Variants in DAP observed in about 807,000 individuals in gnomAD.
DAP encodes death-associated protein 1.
A neutral mutation model predicts 13.8 loss-of-function variants in DAP; 8 were observed. The observed-to-expected ratio is 0.58, with a 90% CI of 0.34 to 1.05. The LOEUF is 1.05. DAP is among the 50% of genes least tolerant of loss of function. DAP has a pLI of 0.03. For synonymous variants in DAP, 47 were observed against 47.5 expected (o/e 0.99, Z 0.04); for missense variants, 106 against 133.2 (o/e 0.80, Z 1.01).
rs536429087 is a variant in DAP at position 10,724,971 on chromosome 5, C to G, written c.152+23204G>C. Among the ~76,000 whole-genome samples the G allele has an allele frequency of 4.6e-5, 7 of 152,302 alleles. No homozygotes were observed. The East Asian group carries it at 9.7e-4, about 21-fold the overall frequency. On this transcript the variant is annotated intron_variant, in intron 2 of 3. Coordinates refer to ENST00000230895, the MANE Select transcript of DAP (RefSeq NM_004394.3). Reference sequence around the variant, plus strand: ...TGCTGACTTGAGCTTCTTCCTCCCCCCTCTCCCCTTCAGGCTCCCCTCTGA... The same window carrying G: ...TGCTGACTTGAGCTTCTTCCTCCCCGCTCTCCCCTTCAGGCTCCCCTCTGA...
intron 2 of DAP, among the ~76,000 whole-genome samples, chr5:10,691,746 A>G (rs915462143): frequency 4.6e-5 from 7 of 152,218 alleles, no homozygotes; most frequent in African/African-American, 1.7e-4. Flanking sequence ...ATTGAAAAGA[A>G]CTGCAAGCCA....
chr5:10,719,610 G>C (rs571323192), intron 2 of DAP, among the ~76,000 whole-genome samples: 2 of 152,196 alleles, frequency 1.3e-5, no homozygotes, highest in East Asian at 3.8e-4. Flanking sequence ...ACCATGAACT[G>C]GGTGCTTTCT....
chr5:10,685,024 A>G (rs1395055046), intron 2 of DAP, among the ~76,000 whole-genome samples: 1 of 152,206 alleles, frequency 6.6e-6, no homozygotes, highest in Non-Finnish European at 1.5e-5. Flanking sequence ...CTCTGCTGCC[A>G]GTGGTCTTTT....
chr5:10,737,012 G>C (rs912950429), intron 2 of DAP, among the ~76,000 whole-genome samples: 3 of 152,338 alleles, frequency 2.0e-5, no homozygotes, highest in Admixed American at 2.0e-4. Flanking sequence ...GCTGCTGCTG[G>C]CAAGTGGTGG....
At chr5:10,752,148 G>A (rs576718516) in intron 1 of DAP, among the ~76,000 whole-genome samples, 8 of 152,326 alleles carry the variant, frequency 5.3e-5, no homozygotes, top group African/African-American at 9.6e-5. Context: ...CAGCCTGTCC[G>A]CTCCTCTGCT....
chr5:10,698,119 A>T (rs1261356262), intron 2 of DAP, among the ~76,000 whole-genome samples: 1 of 151,960 alleles, frequency 6.6e-6, no homozygotes, highest in Non-Finnish European at 1.5e-5. Context: ...GTGAGCTGAG[A>T]GCACAGCTAC....
chr5:10,736,455 C>G (rs557894692), intron 2 of DAP, among the ~76,000 whole-genome samples: 131 of 152,294 alleles, frequency 8.6e-4, no homozygotes, highest in Admixed American at 5.9e-3. Context: ...GCCAACCCTC[C>G]CTGGGCAGCC....
chr5:10,732,930 G>A (rs1428378289), intron 2 of DAP, among the ~76,000 whole-genome samples: 1 of 152,126 alleles, frequency 6.6e-6, no homozygotes, highest in Admixed American at 6.5e-5. Context: ...CTGATACTCT[G>A]TACACATTAA....
At chr5:10,743,319 T>C (rs1739808433) in intron 2 of DAP, among the ~76,000 whole-genome samples, 1 of 152,224 alleles carries the variant, frequency 6.6e-6, no homozygotes, top group Admixed American at 6.5e-5. Context: ...TCAGTGCTTG[T>C]ACGCCATTCT....
chr5:10,725,525 CGTG>C, intron 2 of DAP, among the ~76,000 whole-genome samples: 1 of 152,134 alleles, frequency 6.6e-6, no homozygotes, highest in East Asian at 1.9e-4. Flanking sequence ...CCAACACTGC[CGTG>C]GTGTCTTATA....
chr5:10,681,470 T>C (rs1343776042), intron 3 of DAP, among the ~76,000 whole-genome samples: 1 of 117,654 alleles, frequency 8.5e-6, no homozygotes, highest in African/African-American at 3.3e-5. Flanking sequence ...GTGAGGAACG[T>C]CCAGGCCAGC....
intron 2 of DAP, among the ~76,000 whole-genome samples, chr5:10,700,291 A>C (rs1033517205): frequency 6.6e-6 from 1 of 152,222 alleles, no homozygotes; most frequent in African/African-American, 2.4e-5. Flanking sequence ...AGGCCCACTG[A>C]GAAGTGACAG....
chr5:10,757,213 C>T (rs1377608059), intron 1 of DAP, among the ~76,000 whole-genome samples: 3 of 152,092 alleles, frequency 2.0e-5, no homozygotes, highest in East Asian at 1.9e-4. Context: ...ACAGCCTTTC[C>T]GGCCGCTCCC....
intron 2 of DAP, among the ~76,000 whole-genome samples, chr5:10,725,326 G>A (rs562702923): frequency 6.6e-6 from 1 of 152,330 alleles, no homozygotes; most frequent in South Asian, 2.1e-4. Flanking sequence ...GCCGGGTCCT[G>A]AGCTCGGGCT....
At chr5:10,688,401 G>A (rs1379929917) in intron 2 of DAP, among the ~76,000 whole-genome samples, 1 of 152,174 alleles carries the variant, frequency 6.6e-6, no homozygotes, top group African/African-American at 2.4e-5. Flanking sequence ...ATTAAGTTAT[G>A]CATTGTTTTT....
chr5:10,755,099 T>C (rs944276714), intron 1 of DAP, among the ~76,000 whole-genome samples: 1 of 151,904 alleles, frequency 6.6e-6, no homozygotes, highest in Non-Finnish European at 1.5e-5. Context: ...GGTGGGCCCA[T>C]GTAATCTCAA....
rs768003567 is a variant in DAP, at chr5:10,748,182, T to G, written c.145A>C (p.Ser49Arg). ...TCGCTAGCATCATCCCACCTGGGGC[T>G]TTCCCATTCCTGGTCATCCTTGTCT... ...EKDKDDQEWE[S>R]PSPPKPTVFI... Residue 49 changes from serine (S) to arginine (R), a missense_variant, in exon 2 of 4, where the codon AGC becomes CGC. By Grantham distance (110) the Ser-to-Arg change is moderately radical (BLOSUM62 -1). Coordinates refer to ENST00000230895, the MANE Select transcript of DAP (RefSeq NM_004394.3). 6.2e-7 allele frequency: 1 copy of G among 1,612,640 alleles called. No individual in the cohort carries two copies. Among genetic ancestry groups the G allele is most frequent in the Non-Finnish European group, 8.5e-7 (1 of 1,178,572 alleles).
At chr5:10,708,987 C>A (rs889471553) in intron 2 of DAP, among the ~76,000 whole-genome samples, 1 of 152,202 alleles carries the variant, frequency 6.6e-6, no homozygotes, top group African/African-American at 2.4e-5. Context: ...AATCAAAAGA[C>A]CCTCAATCTA....
intron 2 of DAP, among the ~76,000 whole-genome samples, chr5:10,732,852 G>A (rs1044559695): frequency 6.6e-6 from 1 of 152,150 alleles, no homozygotes; most frequent in Non-Finnish European, 1.5e-5. Context: ...TAAGTGTACA[G>A]CTTAGTAGTG....
Sources: allele counts gnomAD v4.1 joint callset (sites outside exome capture counted in the v4.1 genomes callset), GRCh38; gene constraint gnomAD v4.1.1; transcripts MANE v1.5; gene names NCBI Gene and HGNC (gene_info 2026-07-23, HGNC 2026-07-21).